Variants in TRIP11 observed in about 807,000 individuals in gnomAD.
The protein encoded by TRIP11 is thyroid hormone receptor interactor 11, also known as thyroid receptor-interacting protein 11.
In TRIP11, 148 loss-of-function variants were observed where a neutral mutation model predicts 223.1. The observed-to-expected ratio is 0.66, with a 90% CI of 0.58 to 0.76. The LOEUF is 0.76. Ranked by LOEUF, TRIP11 falls within the 30% of genes least tolerant of loss-of-function variation. The pLI is 0.00. For synonymous variants in TRIP11, 762 were observed against 772.6 expected (o/e 0.99, Z 0.23); for missense variants, 2,043 against 2,222.0 (o/e 0.92, Z 1.62).
At chr14:92,000,224 G>A (rs1050104291) in intron 11 of TRIP11, 116 bp from the exon 12 acceptor site, 14 of 1,467,888 alleles carry the variant, frequency 9.5e-6, no homozygotes, top group African/African-American at 1.4e-5. Flanking sequence ...GCAGCCTCCC[G>A]ATTTACTCTC....
intron 4 of TRIP11, among the ~76,000 whole-genome samples, chr14:92,019,182 G>C (rs2057078527): frequency 6.6e-6 from 1 of 151,900 alleles, no homozygotes; most frequent in Middle Eastern, 3.2e-3. Context: ...GTCTAGTACA[G>C]GTCTGTCATG....
At chr14:91,989,461 G>A (rs772664119) in intron 15 of TRIP11, among the ~76,000 whole-genome samples, 1 of 149,150 alleles carries the variant, frequency 6.7e-6, no homozygotes, top group African/African-American at 2.5e-5. Context: ...CTCTATTTCT[G>A]GATTCTCCTT....
At chr14:92,013,802 T>A (rs1246504831) in intron 7 of TRIP11, among the ~76,000 whole-genome samples, 1 of 152,230 alleles carries the variant, frequency 6.6e-6, no homozygotes, top group African/African-American at 2.4e-5. Context: ...TAGTACTAAT[T>A]TTCTGTAACA....
At chr14:92,029,103 T>C (rs1046592198) in intron 2 of TRIP11, among the ~76,000 whole-genome samples, 1 of 152,144 alleles carries the variant, frequency 6.6e-6, no homozygotes, top group Non-Finnish European at 1.5e-5. Flanking sequence ...GTATTTTCTG[T>C]ATCTTAAAAC....
intron 15 of TRIP11, among the ~76,000 whole-genome samples, chr14:91,990,662 A>T (rs1010704003): frequency 1.3e-5 from 2 of 152,140 alleles, no homozygotes; most frequent in African/African-American, 4.8e-5. Context: ...GAAACATAGC[A>T]AGATTTCATC....
chr14:92,038,536 C>T (rs1018007075), intron 1 of TRIP11, among the ~76,000 whole-genome samples: 2 of 151,862 alleles, frequency 1.3e-5, no homozygotes, highest in African/African-American at 4.8e-5. Context: ...AAATAGACCC[C>T]ACAGAAATTC....
At chr14:91,998,455 A>C (rs2056778125) in intron 13 of TRIP11, among the ~76,000 whole-genome samples, 1 of 152,198 alleles carries the variant, frequency 6.6e-6, no homozygotes, top group African/African-American at 2.4e-5. Flanking sequence ...ATGTAGCCAC[A>C]AAATATTGCA....
At chr14:92,024,823 T>G (rs1044376655) in intron 3 of TRIP11, among the ~76,000 whole-genome samples, 2 of 152,168 alleles carry the variant, frequency 1.3e-5, no homozygotes, top group African/African-American at 4.8e-5. Context: ...AGAGTAACAT[T>G]AAATTATATA....
In TRIP11 at chr14:91,998,196, T is replaced by C. The variant is rs546358198; in HGVS notation, c.4892+1044A>G. Among the ~76,000 whole-genome samples the C allele has an allele frequency of 3.3e-5, 5 of 152,294 alleles. No individual in the cohort carries two copies. The East Asian group carries it at 7.7e-4, about 23-fold the overall frequency. On this transcript the variant is annotated intron_variant, in intron 13 of 20. Coordinates refer to ENST00000267622, the MANE Select transcript of TRIP11 (RefSeq NM_004239.4). ...GTAAAAAGATAAATACAAAGATGCA[T>C]ATACAACTAATAGGAATACAAATGG...
intron 15 of TRIP11, among the ~76,000 whole-genome samples, chr14:91,992,534 C>T (rs546553370): frequency 6.6e-6 from 1 of 152,132 alleles, no homozygotes; most frequent in East Asian, 1.9e-4. Flanking sequence ...GTTAATGTTC[C>T]TGAAGAACAG....
chr14:91,988,629 GAAGT>G (rs1156524475), intron 15 of TRIP11, among the ~76,000 whole-genome samples: 2 of 52,484 alleles, frequency 3.8e-5, no homozygotes, highest in Admixed American at 2.2e-4. Context: ...CATGATGACA[GAAGT>G]AAAAAAAAAA....
chr14:91,976,161 A>G lies in TRIP11; in HGVS notation c.5289T>C (p.Asp1763=). The part of the protein sequence containing the change: ...QNELRQEMLD[D]VQKKLMSLAN... ...CTAAGCTCATCAATTTCTTTTGTACATCATCCAGCATTTCTTGTCGGAGCT... is the reference window on the plus strand; with the variant it reads ...CTAAGCTCATCAATTTCTTTTGTACGTCATCCAGCATTTCTTGTCGGAGCT... Residue 1763 remains aspartate (D), a synonymous_variant, in exon 17 of 21, where the codon GAT becomes GAC. Coordinates refer to ENST00000267622, the MANE Select transcript of TRIP11 (RefSeq NM_004239.4). The G allele has an allele frequency of 6.2e-7, 1 of 1,612,502 alleles. No homozygotes were observed.
intron 2 of TRIP11, chr14:92,026,992 C>T (rs761531430): frequency 8.8e-5 from 68 of 772,554 alleles, no homozygotes; most frequent in Non-Finnish European, 1.4e-4. Flanking sequence ...AGTAGAGAGG[C>T]CCGCCCGCCC....
chr14:92,024,057 A>G (rs191772005), intron 3 of TRIP11, among the ~76,000 whole-genome samples: 2 of 143,734 alleles, frequency 1.4e-5, no homozygotes, highest in Admixed American at 1.3e-4. Context: ...GGAATCAAGA[A>G]AAAAAAAAAG....
chr14:91,995,535 A>C lies in TRIP11; in HGVS notation c.4893-20T>G. 1.2e-6 allele frequency: 2 copies of C among 1,613,656 alleles called. No individual in the cohort carries two copies. The highest frequency in any genetic ancestry group is 1.7e-6 in the Non-Finnish European group (2 of 1,179,804). ...TGATGGCTTCAAACAAAAAGAATAA[A>C]AGTCAAACTGCTTCATCTATTTAGA... is the stretch of plus-strand genomic sequence containing the variant. On this transcript the variant is annotated intron_variant, in intron 13 of 20. Transcript: ENST00000267622.
rs771312948 is a variant in TRIP11 at position 92,025,509 on chromosome 14, T to TCCC, written c.202-92_202-90dup. 3.9e-6 allele frequency: 3 copies of TCCC among 777,994 alleles called. No individual in the cohort carries two copies. Among genetic ancestry groups the TCCC allele is most frequent in the Admixed American group, 2.3e-5 (1 of 44,040 alleles). 48.2% of individuals were successfully genotyped at this position (777,994 alleles called of 1,614,324 possible). On this transcript the variant is annotated intron_variant, in intron 2 of 20. Transcript: ENST00000267622. ...CAGCATTATGAAAAACGTACTGCTT[T>TCCC]CCCCCCCCAAAAATGTCAAATATAA...
intron 20 of TRIP11, among the ~76,000 whole-genome samples, chr14:91,971,798 A>G (rs2056403656): frequency 6.6e-6 from 1 of 152,232 alleles, no homozygotes; most frequent in Non-Finnish European, 1.5e-5. Flanking sequence ...AAGGACTGAT[A>G]AATTTTACTA....
At chr14:92,031,744 G>A (rs2057268220) in intron 2 of TRIP11, among the ~76,000 whole-genome samples, 1 of 152,188 alleles carries the variant, frequency 6.6e-6, no homozygotes, top group Non-Finnish European at 1.5e-5. Flanking sequence ...CTTATTTTGA[G>A]TCTTTATGCT....
chr14:92,036,525 C>T (rs1349927485), intron 1 of TRIP11, among the ~76,000 whole-genome samples: 1 of 152,122 alleles, frequency 6.6e-6, no homozygotes, highest in Admixed American at 6.5e-5. Context: ...GAATTTCAAC[C>T]CATGTCTCTC....
Sources: allele counts gnomAD v4.1 joint callset (sites outside exome capture counted in the v4.1 genomes callset), GRCh38; gene constraint gnomAD v4.1.1; transcripts MANE v1.5; gene names NCBI Gene and HGNC (gene_info 2026-07-23, HGNC 2026-07-21).